Variants in SAMD12 observed in about 807,000 individuals in gnomAD.
SAMD12 encodes the protein sterile alpha motif domain containing 12.
A neutral mutation model predicts 15.0 loss-of-function variants in SAMD12; 9 were observed. The ratio of observed to expected loss-of-function variants is 0.60; its 90% confidence interval spans 0.36 to 1.05. The LOEUF (loss-of-function observed/expected upper bound fraction) is 1.05. SAMD12 is among the 50% of genes least tolerant of loss of function. SAMD12 has a pLI of 0.01. For missense variants in SAMD12, 230 were observed against 234.2 expected (o/e 0.98, Z 0.12); for synonymous variants, 86 against 90.1 (o/e 0.96, Z 0.25).
rs181277041 is a variant in SAMD12 at position 118,364,843 on chromosome 8, C to T, written c.433+14717G>A. Reference sequence around the variant, plus strand: ...TCTATTACCATGGGTTGTCTAGTCTCCTTTTCTCTTGGGGATGAGGATGAC... The same window carrying T: ...TCTATTACCATGGGTTGTCTAGTCTTCTTTTCTCTTGGGGATGAGGATGAC... On this transcript the variant is annotated intron_variant, in intron 4 of 4. Transcript: ENST00000409003. Among the ~76,000 whole-genome samples the T allele has an allele frequency of 5.3e-5, 8 of 152,214 alleles. No homozygotes were observed. The East Asian group carries it at 1.5e-3, about 29-fold the overall frequency.
the SAMD12 span, among the ~76,000 whole-genome samples, chr8:118,180,589 C>T: frequency 1.3e-5 from 2 of 151,468 alleles, no homozygotes; most frequent in Non-Finnish European, 2.9e-5. Flanking sequence ...TATTTATTTG[C>T]TGAGACAGGG....
intron 2 of SAMD12, among the ~76,000 whole-genome samples, chr8:118,461,276 T>C (rs1371591070): frequency 6.6e-6 from 1 of 152,284 alleles, no homozygotes; most frequent in Non-Finnish European, 1.5e-5. Flanking sequence ...TAGCAGTTGC[T>C]GATTATATAA....
At chr8:118,134,688 G>C in the SAMD12 span, among the ~76,000 whole-genome samples, 1 of 152,214 alleles carries the variant, frequency 6.6e-6, no homozygotes, top group African/African-American at 2.4e-5. Flanking sequence ...ACTAGCTTCG[G>C]GTATAACCAG....
Position 118,469,537 on chromosome 8 carries a change from AT to A in SAMD12, c.193-29577del, listed in dbSNP as rs1376347517. 5.0e-4 allele frequency among the ~76,000 whole-genome samples: 2 copies of A among 4,040 alleles called. 1 individual carries two copies. Among genetic ancestry groups the A allele is most frequent in the Admixed American group, 0.013 (2 of 152 alleles). The allele number at this position is 4,040 out of a possible 152,430, so 2.7% of individuals were successfully genotyped here. On this transcript the variant is annotated intron_variant, in intron 2 of 3. Transcript: ENST00000314727. ...ATATAATATATATAATATATTATAT[AT>A]ATTATATTATTATATATAATATATT...
At chr8:118,237,469 G>T (rs1195319235) in intron 4 of SAMD12, among the ~76,000 whole-genome samples, 1 of 152,154 alleles carries the variant, frequency 6.6e-6, no homozygotes, top group African/African-American at 2.4e-5. Flanking sequence ...TAATAGCTAT[G>T]TGTTGTCAAA....
chr8:118,439,313 G>A (rs567300780), intron 3 of SAMD12, among the ~76,000 whole-genome samples: 1 of 152,258 alleles, frequency 6.6e-6, no homozygotes, highest in African/African-American at 2.4e-5. Context: ...CAAGAAGGTG[G>A]TCAACAGGGA....
chr8:118,266,653 T>C (rs1396102448), intron 4 of SAMD12, among the ~76,000 whole-genome samples: 1 of 152,102 alleles, frequency 6.6e-6, no homozygotes, highest in Non-Finnish European at 1.5e-5. Context: ...ATCCTATTTG[T>C]CTTTAAAAAA....
chr8:118,608,651 G>A (rs575129468), intron 1 of SAMD12, among the ~76,000 whole-genome samples: 1 of 152,122 alleles, frequency 6.6e-6, no homozygotes, highest in Non-Finnish European at 1.5e-5. Context: ...CTACAGGTGT[G>A]CACCACCACA....
intron 2 of SAMD12, among the ~76,000 whole-genome samples, chr8:118,558,532 C>G (rs1826611311): frequency 6.6e-6 from 1 of 152,038 alleles, no homozygotes; most frequent in Admixed American, 6.6e-5. Context: ...GACAGTGACA[C>G]TGAGCTAAGA....
intron 1 of SAMD12, among the ~76,000 whole-genome samples, chr8:118,584,922 T>TATACACACAC (rs1554590578): frequency 3.3e-4 from 48 of 147,076 alleles, no homozygotes; most frequent in African/African-American, 1.0e-3. Flanking sequence ...CTTGTAGGTA[T>TATACACACAC]ACACACACAC....
At chr8:118,616,089 A>T (rs548174114) in intron 1 of SAMD12, among the ~76,000 whole-genome samples, 8 of 152,378 alleles carry the variant, frequency 5.3e-5, no homozygotes, top group Non-Finnish European at 8.8e-5. Flanking sequence ...CATAATAAAA[A>T]TAAGAAAAAA....
chr8:118,289,465 G>A (rs1030535124), intron 4 of SAMD12, among the ~76,000 whole-genome samples: 11 of 152,178 alleles, frequency 7.2e-5, no homozygotes, highest in African/African-American at 2.2e-4. Context: ...AATGCAAGTT[G>A]AATGATATGA....
chr8:118,316,369 C>CAAAAAAAAAAAAAA (rs71307444), intron 4 of SAMD12, among the ~76,000 whole-genome samples: 43 of 114,076 alleles, frequency 3.8e-4, no homozygotes, highest in Non-Finnish European at 4.7e-4. Flanking sequence ...CCCATGTCTA[C>CAAAAAAAAAAAAAA]AAAAAAAAAA....
intron 4 of SAMD12, among the ~76,000 whole-genome samples, chr8:118,206,267 T>A (rs1219871265): frequency 6.6e-6 from 1 of 152,224 alleles, no homozygotes; most frequent in East Asian, 1.9e-4. Context: ...CACACCTACA[T>A]CTTTCCCCCA....
At chr8:118,508,140 T>A (rs1824974589) in intron 2 of SAMD12, among the ~76,000 whole-genome samples, 1 of 150,992 alleles carries the variant, frequency 6.6e-6, no homozygotes, top group African/African-American at 2.4e-5. Context: ...ACTACAGGTG[T>A]GAGCCACTGT....
chr8:118,519,652 C>T (rs992515556), intron 2 of SAMD12, among the ~76,000 whole-genome samples: 3 of 152,148 alleles, frequency 2.0e-5, no homozygotes, highest in Non-Finnish European at 2.9e-5. Flanking sequence ...TTGGGGGATG[C>T]TGATGCATGA....
chr8:118,449,211 C>T (rs1014541091), intron 2 of SAMD12, among the ~76,000 whole-genome samples: 3 of 151,950 alleles, frequency 2.0e-5, no homozygotes, highest in Non-Finnish European at 4.4e-5. Flanking sequence ...TACAGGTGCC[C>T]ACAACCATGC....
chr8:118,193,843 C>G (rs1463285244), exon 5 of SAMD12: 1 of 151,972 alleles, frequency 6.6e-6, no homozygotes, highest in Non-Finnish European at 1.5e-5. Flanking sequence ...AGCCTTAAAG[C>G]AATAAAGGAA....
chr8:118,321,946 G>A (rs1173213452), intron 4 of SAMD12, among the ~76,000 whole-genome samples: 1 of 152,114 alleles, frequency 6.6e-6, no homozygotes, highest in Non-Finnish European at 1.5e-5. Context: ...CACACAGAAT[G>A]CCTTCAGTTC....
Sources: allele counts gnomAD v4.1 joint callset (sites outside exome capture counted in the v4.1 genomes callset), GRCh38; gene constraint gnomAD v4.1.1; transcripts MANE v1.5; gene names NCBI Gene and HGNC (gene_info 2026-07-23, HGNC 2026-07-21).